The following CHST9 variants were observed in gnomAD, a reference collection of about 807,000 sequenced individuals.
CHST9 encodes the protein GalNAc-4-sulfotransferase 2.
Under a neutral mutation model 44.4 loss-of-function variants are expected in CHST9, and 41 were observed. The ratio of observed to expected loss-of-function variants is 0.92; its 90% CI spans 0.72 to 1.20. The LOEUF (loss-of-function observed/expected upper bound fraction) is 1.20, where lower values mean the gene tolerates loss of function less well. CHST9 is among the 50% of genes most tolerant of loss of function. CHST9 has a pLI of 0.00. For synonymous variants in CHST9, 171 were observed against 178.4 expected, an observed-to-expected ratio of 0.96 and a Z score of 0.33; for missense variants, 504 against 516.5, an observed-to-expected ratio of 0.98 and a Z score of 0.23.
At chr18:27,024,553 A>G (rs749927667) in intron 3 of CHST9, among the ~76,000 whole-genome samples, 9 of 152,228 alleles carry the variant, frequency 5.9e-5, no homozygotes, top group Non-Finnish European at 1.3e-4. Context: ...TAATATTTTC[A>G]TTTATTAATA....
chr18:27,158,512 C>T (rs1327979241), intron 1 of CHST9, among the ~76,000 whole-genome samples: 1 of 150,734 alleles, frequency 6.6e-6, no homozygotes, highest in East Asian at 1.9e-4. Context: ...CATTGTTGGA[C>T]ATTTGGGTTG....
intron 2 of CHST9, among the ~76,000 whole-genome samples, chr18:27,110,647 A>T: frequency 6.6e-6 from 1 of 152,180 alleles, no homozygotes; most frequent in East Asian, 1.9e-4. Flanking sequence ...GGGAACTGGG[A>T]GGGAACACTG....
At chr18:27,164,335 C>T (rs76492708) in intron 1 of CHST9, among the ~76,000 whole-genome samples, 4 of 129,286 alleles carry the variant, frequency 3.1e-5, no homozygotes, top group Non-Finnish European at 3.4e-5. Context: ...AAAAAAAAAA[C>T]GCTTTTGCAA....
chr18:27,078,377 T>C (rs2057926871), intron 2 of CHST9, among the ~76,000 whole-genome samples: 1 of 152,178 alleles, frequency 6.6e-6, no homozygotes, highest in Non-Finnish European at 1.5e-5. Flanking sequence ...GTTCCTGTTA[T>C]TCATGGTAGT....
chr18:26,943,867 C>G (rs12455253), intron 5 of CHST9, among the ~76,000 whole-genome samples: 23,576 of 152,116 alleles, frequency 0.15, 2,051 homozygotes, highest in East Asian at 0.24. Context: ...AACAAAAGAC[C>G]AGAATGGAAG....
At chr18:26,969,437 T>C (rs1170356522) in intron 4 of CHST9, among the ~76,000 whole-genome samples, 2 of 151,978 alleles carry the variant, frequency 1.3e-5, no homozygotes, top group Non-Finnish European at 2.9e-5. Context: ...TAGAAGTCTC[T>C]ATACAGGTTG....
intron 2 of CHST9, among the ~76,000 whole-genome samples, chr18:27,103,340 C>T (rs1304962798): frequency 6.6e-6 from 1 of 152,172 alleles, no homozygotes; most frequent in Non-Finnish European, 1.5e-5. Flanking sequence ...AGTACTGTAC[C>T]TGGTCAGTCT....
intron 2 of CHST9, among the ~76,000 whole-genome samples, chr18:27,113,911 G>C (rs1360338151): frequency 6.6e-6 from 1 of 152,154 alleles, no homozygotes; most frequent in Admixed American, 6.5e-5. Context: ...AAAAATTTTA[G>C]CATTTTGCAA....
intron 4 of CHST9, among the ~76,000 whole-genome samples, chr18:26,958,724 TCAA>T (rs1319221909): frequency 6.6e-6 from 1 of 152,108 alleles, no homozygotes; most frequent in East Asian, 1.9e-4. Flanking sequence ...GAAAAAATGC[TCAA>T]CGTTACTAAT....
At chr18:27,028,610 C>G (rs2057307874) in intron 3 of CHST9, among the ~76,000 whole-genome samples, 1 of 151,922 alleles carries the variant, frequency 6.6e-6, no homozygotes, top group Non-Finnish European at 1.5e-5. Context: ...TGCAGTAGCA[C>G]GATCTCGGCT....
intron 5 of CHST9, among the ~76,000 whole-genome samples, chr18:26,927,867 G>A (rs530751786): frequency 6.6e-6 from 1 of 152,230 alleles, no homozygotes; most frequent in Non-Finnish European, 1.5e-5. Context: ...TTCCCACAAG[G>A]CCACATTTCA....
chr18:27,002,684 T>G (rs191428928), intron 4 of CHST9, among the ~76,000 whole-genome samples: 360 of 152,302 alleles, frequency 2.4e-3, no homozygotes, highest in Middle Eastern at 3.4e-3. Context: ...ATTTTCAATT[T>G]ATGATGTCCT....
chr18:26,931,208 C>T (rs2055872691), intron 5 of CHST9, among the ~76,000 whole-genome samples: 1 of 152,198 alleles, frequency 6.6e-6, no homozygotes, highest in Non-Finnish European at 1.5e-5. Flanking sequence ...TCATTACCCC[C>T]TTCCCTCACT....
At chr18:26,974,940 G>C (rs111974783) in intron 4 of CHST9, among the ~76,000 whole-genome samples, 201 of 152,332 alleles carry the variant, frequency 1.3e-3, no homozygotes, top group African/African-American at 4.0e-3. Context: ...CTTCCAAAGT[G>C]TTGGGATTAC....
intron 2 of CHST9, among the ~76,000 whole-genome samples, chr18:27,049,121 G>A (rs1458405831): frequency 6.6e-6 from 1 of 152,156 alleles, no homozygotes; most frequent in Non-Finnish European, 1.5e-5. Flanking sequence ...ACTTACAGCA[G>A]TGCATAGGAG....
intron 4 of CHST9, among the ~76,000 whole-genome samples, chr18:26,954,337 AT>A (rs1234410482): frequency 1.3e-5 from 2 of 152,290 alleles, no homozygotes; most frequent in East Asian, 3.9e-4. Flanking sequence ...TTCAGAATAT[AT>A]CTACAATGCA....
intron 5 of CHST9, among the ~76,000 whole-genome samples, chr18:26,932,499 G>A (rs2055896263): frequency 6.6e-6 from 1 of 152,052 alleles, no homozygotes; most frequent in African/African-American, 2.4e-5. Context: ...CAAAAAATCT[G>A]GGAGAACAAG....
chr18:27,163,805 C>T (rs558082209), intron 1 of CHST9, among the ~76,000 whole-genome samples: 15 of 152,084 alleles, frequency 9.9e-5, no homozygotes, highest in Middle Eastern at 6.3e-3. Context: ...ACGCTCAGTG[C>T]ACTGCACCCA....
chr18:27,017,706 G>T (rs974584249), intron 4 of CHST9, among the ~76,000 whole-genome samples: 1 of 152,134 alleles, frequency 6.6e-6, no homozygotes, highest in Non-Finnish European at 1.5e-5. Flanking sequence ...CTTATTTTGG[G>T]TGGCTGGTAC....
Sources: gnomAD v4.1 joint callset for allele counts (sites outside exome capture counted in the v4.1 genomes callset) on GRCh38, gnomAD v4.1.1 for gene constraint, MANE v1.5 for transcripts, NCBI Gene and HGNC (gene_info 2026-07-23, HGNC 2026-07-21) for gene names.